Variants in MEOX2 observed in about 807,000 individuals in gnomAD.
The protein encoded by MEOX2 is mesenchyme homeobox 2, also known as homeobox protein MOX-2.
Under a neutral mutation model 27.0 loss-of-function variants are expected in MEOX2, and 11 were observed. The observed-to-expected ratio is 0.41, with a 90% CI of 0.26 to 0.68. The LOEUF is 0.68. MEOX2 is among the 30% of genes least tolerant of loss of function. The pLI is 0.33. For missense variants in MEOX2, 436 were observed against 385.4 expected (o/e 1.13, Z -1.10); for synonymous variants, 189 against 155.4 (o/e 1.22, Z -1.61).
At chr7:15,655,330 C>A (rs536371573) in intron 1 of MEOX2, among the ~76,000 whole-genome samples, 2 of 151,668 alleles carry the variant, frequency 1.3e-5, no homozygotes, top group East Asian at 1.9e-4. Flanking sequence ...AAAGAACGAG[C>A]TTTTTATTTC....
Position 15,611,552 on chromosome 7 carries a change from G to A in MEOX2, c.*835C>T, listed in dbSNP as rs1371845174. ...CTAATTGTTTTAAGCTATAAGATAGGAAGAATTCAGGAGCTAGGTAAGTTT... is the reference window on the plus strand; with the variant it reads ...CTAATTGTTTTAAGCTATAAGATAGAAAGAATTCAGGAGCTAGGTAAGTTT... On this transcript the variant is annotated 3_prime_UTR_variant, in exon 3 of 3. Transcript: ENST00000262041. The A allele has an allele frequency of 6.6e-6, 1 of 152,576 alleles. No individual in the cohort carries two copies. Among genetic ancestry groups the A allele is most frequent in the South Asian group, 2.1e-4 (1 of 4,826 alleles). 9.5% of individuals were successfully genotyped at this position (152,576 alleles called of 1,614,324 possible).
intron 1 of MEOX2, among the ~76,000 whole-genome samples, chr7:15,682,791 G>C (rs1461104090): frequency 6.6e-6 from 1 of 151,870 alleles, no homozygotes; most frequent in Non-Finnish European, 1.5e-5. Context: ...GCTTTGTAGT[G>C]ATTTTTTTCA....
intron 2 of MEOX2, among the ~76,000 whole-genome samples, chr7:15,616,605 G>A (rs1403082431): frequency 6.6e-6 from 1 of 151,642 alleles, no homozygotes; most frequent in Non-Finnish European, 1.5e-5. Flanking sequence ...TTTAGTTTTT[G>A]TTTTTAAGAC....
chr7:15,665,586 C>T (rs1300545745), intron 1 of MEOX2, among the ~76,000 whole-genome samples: 2 of 152,078 alleles, frequency 1.3e-5, no homozygotes, highest in Non-Finnish European at 2.9e-5. Flanking sequence ...ATTCTTCCCC[C>T]AAAATGACCA....
Position 15,612,180 on chromosome 7 carries a change from A to G in MEOX2, c.*207T>C. 1 of 590,964 alleles carries G rather than the reference A, an allele frequency of 1.7e-6. No individual in the cohort carries two copies. The highest frequency in any genetic ancestry group is 3.0e-6 in the Non-Finnish European group (1 of 332,530). 36.6% of individuals were successfully genotyped at this position (590,964 alleles called of 1,614,324 possible). A position where few individuals can be genotyped will look rare whatever the true frequency, so the allele number is the denominator to read the frequency against. ...CATCTGGAATATTCAAAGCAAGTTCACCTTCTCCATCTTCACTGTGGAAGC... is the reference window on the plus strand; with the variant it reads ...CATCTGGAATATTCAAAGCAAGTTCGCCTTCTCCATCTTCACTGTGGAAGC... On this transcript the variant is annotated 3_prime_UTR_variant, in exon 3 of 3. Coordinates refer to ENST00000262041, the MANE Select transcript of MEOX2 (RefSeq NM_005924.5).
At chr7:15,623,836 A>C (rs550402399) in intron 2 of MEOX2, among the ~76,000 whole-genome samples, 82 of 152,346 alleles carry the variant, frequency 5.4e-4, no homozygotes, top group African/African-American at 1.9e-3. Flanking sequence ...AACAATTGTG[A>C]ATATTTGTTC....
At chr7:15,636,305 G>T (rs1251738991) in intron 1 of MEOX2, among the ~76,000 whole-genome samples, 1 of 151,902 alleles carries the variant, frequency 6.6e-6, no homozygotes, top group Non-Finnish European at 1.5e-5. Flanking sequence ...CATATCGGAA[G>T]ATTAATGACC....
chr7:15,620,235 A>G (rs1781199420), intron 2 of MEOX2, among the ~76,000 whole-genome samples: 1 of 152,150 alleles, frequency 6.6e-6, no homozygotes, highest in Non-Finnish European at 1.5e-5. Flanking sequence ...GTTTCTCTAG[A>G]TGACTCCTAT....
rs1388210016 is a variant in MEOX2 at position 15,619,005 on chromosome 7, A to T, written c.691-6394T>A. 2.0e-5 allele frequency among the ~76,000 whole-genome samples: 3 copies of T among 152,140 alleles called. No homozygotes were observed. In the East Asian group the frequency reaches 5.8e-4, roughly 29 times the overall value. Reference sequence around the variant, plus strand: ...ATGCATCTCTGAGTTTTTCATGAGGAGACATAGAAATATGGAGAATAATTG... The same window carrying T: ...ATGCATCTCTGAGTTTTTCATGAGGTGACATAGAAATATGGAGAATAATTG... On this transcript the variant is annotated intron_variant, in intron 2 of 2. Transcript: ENST00000262041.
At chr7:15,620,695 T>C (rs369871380) in intron 2 of MEOX2, among the ~76,000 whole-genome samples, 4 of 152,342 alleles carry the variant, frequency 2.6e-5, no homozygotes, top group South Asian at 4.1e-4. Flanking sequence ...TACTTGGCAT[T>C]GGGCCATTTG....
intron 1 of MEOX2, among the ~76,000 whole-genome samples, chr7:15,652,586 A>T (rs1244019850): frequency 2.0e-5 from 3 of 152,064 alleles, no homozygotes; most frequent in Non-Finnish European, 4.4e-5. Flanking sequence ...ATTCTAAAAA[A>T]CTAAGCCACT....
intron 1 of MEOX2, among the ~76,000 whole-genome samples, chr7:15,641,733 T>C (rs997087265): frequency 6.6e-6 from 1 of 152,200 alleles, no homozygotes; most frequent in Non-Finnish European, 1.5e-5. Context: ...TTTCATTTGC[T>C]TTTGTCCTAG....
intron 1 of MEOX2, among the ~76,000 whole-genome samples, chr7:15,632,660 G>A (rs1193682553): frequency 1.3e-5 from 2 of 151,782 alleles, no homozygotes; most frequent in African/African-American, 4.8e-5. Context: ...CAATTTACTT[G>A]CGTCAAATTT....
chr7:15,611,373 G>T lies in MEOX2; in HGVS notation c.*1014C>A. ...TCTATCAACTTGAGCAACCAGTTTC[G>T]CTTTGCACCTTGTCTAACACTGTTG... On this transcript the variant is annotated 3_prime_UTR_variant, in exon 3 of 3. Coordinates refer to ENST00000262041, the MANE Select transcript of MEOX2 (RefSeq NM_005924.5). The T allele has an allele frequency of 6.6e-6, 1 of 152,520 alleles. No individual in the cohort carries two copies. The allele number at this position is 152,520 out of a possible 1,614,324, so 9.4% of individuals were successfully genotyped here. A position where few individuals can be genotyped will look rare whatever the true frequency, so the allele number is the denominator to read the frequency against.
intron 1 of MEOX2, among the ~76,000 whole-genome samples, chr7:15,672,784 T>C (rs1782123918): frequency 6.6e-6 from 1 of 151,520 alleles, no homozygotes; most frequent in Non-Finnish European, 1.5e-5. Context: ...CCCAGCTACT[T>C]GGGAGGCTGA....
intron 1 of MEOX2, among the ~76,000 whole-genome samples, chr7:15,678,653 C>T (rs967811514): frequency 6.6e-6 from 1 of 152,300 alleles, no homozygotes; most frequent in Admixed American, 6.5e-5. Flanking sequence ...CCTCAACAGA[C>T]TCTGAATATA....
intron 1 of MEOX2, among the ~76,000 whole-genome samples, chr7:15,683,337 T>C (rs1321365108): frequency 6.6e-6 from 1 of 152,070 alleles, no homozygotes; most frequent in Non-Finnish European, 1.5e-5. Flanking sequence ...AAAGTAATTA[T>C]AAACTACCTA....
chr7:15,634,329 C>G (rs550061907), intron 1 of MEOX2, among the ~76,000 whole-genome samples: 2 of 152,012 alleles, frequency 1.3e-5, no homozygotes, highest in East Asian at 1.9e-4. Context: ...ATGTTTAGAA[C>G]ATCCCTGGCT....
intron 1 of MEOX2, among the ~76,000 whole-genome samples, chr7:15,635,658 A>G (rs1363539382): frequency 1.1e-4 from 16 of 152,008 alleles, no homozygotes. Context: ...ATCATGTGTT[A>G]TAATTAGTTT....
Sources: allele counts gnomAD v4.1 joint callset (sites outside exome capture counted in the v4.1 genomes callset), GRCh38; gene constraint gnomAD v4.1.1; transcripts MANE v1.5; gene names NCBI Gene and HGNC (gene_info 2026-07-23, HGNC 2026-07-21).